The following RABGEF1 variants were observed in gnomAD, a reference collection of about 807,000 sequenced individuals.
RABGEF1 encodes rab5 GDP/GTP exchange factor.
RABGEF1 carries 26 observed loss-of-function variants against 57.3 expected under a neutral mutation model. That is an observed-to-expected ratio of 0.45 (90% CI 0.33 to 0.63). RABGEF1 has a LOEUF of 0.63. RABGEF1 is among the 20% of genes least tolerant of loss of function. The pLI, the probability that RABGEF1 is intolerant of heterozygous loss-of-function variation, is 0.02. For synonymous variants in RABGEF1, 185 were observed against 210.7 expected, an observed-to-expected ratio of 0.88 and a Z score of 1.06; for missense variants, 464 against 607.6, an observed-to-expected ratio of 0.76 and a Z score of 2.48.
intron 1 of RABGEF1, among the ~76,000 whole-genome samples, chr7:66,705,189 T>C (rs1334867620): frequency 1.3e-5 from 2 of 152,076 alleles, no homozygotes; most frequent in Non-Finnish European, 2.9e-5. Context: ...TCATTTGAGG[T>C]CAGGAGTTCG....
At chr7:66,762,617 A>AT (rs1412023635) in intron 1 of RABGEF1, among the ~76,000 whole-genome samples, 2 of 152,082 alleles carry the variant, frequency 1.3e-5, no homozygotes, top group Non-Finnish European at 2.9e-5. Flanking sequence ...AAGAAAAAAA[A>AT]GAAATAGGAC....
At chr7:66,768,144 G>T (rs1002167246) in intron 1 of RABGEF1, among the ~76,000 whole-genome samples, 3 of 152,238 alleles carry the variant, frequency 2.0e-5, no homozygotes, top group African/African-American at 7.2e-5. Flanking sequence ...GGGATTGCAA[G>T]CAAACGTTTC....
rs918193083 is a variant in RABGEF1, at chr7:66,779,374, C to T, written c.346+3981C>T. Among the ~76,000 whole-genome samples the T allele has an allele frequency of 5.3e-5, 8 of 151,416 alleles. 1 individual carries two copies. Among genetic ancestry groups the T allele is most frequent in the Admixed American group, 5.3e-4 (8 of 15,190 alleles). On this transcript the variant is annotated intron_variant, in intron 3 of 8. Transcript: ENST00000284957. ...CAAAAATTAGCTGGGGGTGGTGGCACGTGCCTGCAATCCCAGCTGCTTGGG... is the reference window on the plus strand; with the variant it reads ...CAAAAATTAGCTGGGGGTGGTGGCATGTGCCTGCAATCCCAGCTGCTTGGG...
chr7:66,663,019 G>A, the RABGEF1 span, among the ~76,000 whole-genome samples: 4 of 152,234 alleles, frequency 2.6e-5, no homozygotes, highest in African/African-American at 9.6e-5. Flanking sequence ...GTGGATTTAC[G>A]GGAATGAGGG....
At chr7:66,669,501 G>C in the RABGEF1 span, among the ~76,000 whole-genome samples, 1 of 152,182 alleles carries the variant, frequency 6.6e-6, no homozygotes, top group Admixed American at 6.5e-5. Context: ...AGAAGGTGGT[G>C]GGGACCTCTG....
intron 2 of RABGEF1, among the ~76,000 whole-genome samples, chr7:66,715,299 T>A (rs1007117783): frequency 1.3e-5 from 2 of 152,104 alleles, no homozygotes; most frequent in African/African-American, 4.8e-5. Context: ...GGCTAATTTT[T>A]AAAAAAATTT....
At chr7:66,719,538 A>T (rs1795776118) in intron 2 of RABGEF1, among the ~76,000 whole-genome samples, 1 of 152,182 alleles carries the variant, frequency 6.6e-6, no homozygotes, top group African/African-American at 2.4e-5. Flanking sequence ...AAAATTTCAG[A>T]TCCAGATGGC....
In RABGEF1 at chr7:66,730,801, T is replaced by C. The variant is rs559819066; in HGVS notation, c.-814-9195T>C. Among the ~76,000 whole-genome samples, 22 of 152,156 alleles carry C rather than the reference T, an allele frequency of 1.4e-4. 1 individual carries two copies. Among genetic ancestry groups the C allele is most frequent in the African/African-American group, 5.3e-4 (22 of 41,560 alleles). On this transcript the variant is annotated intron_variant and NMD_transcript_variant, in intron 2 of 9. Transcript: ENST00000607882. ...TCGAACTCCTGACCTCAAGTGATCC[T>C]CCTGCTTAGCCTCCCAAAGTGCTGG...
intron 1 of RABGEF1, among the ~76,000 whole-genome samples, chr7:66,771,181 C>A (rs1418766864): frequency 6.6e-6 from 1 of 152,056 alleles, no homozygotes; most frequent in African/African-American, 2.4e-5. Context: ...CTCTGTCACC[C>A]AGCCTGGAGT....
rs1306121488 is a variant in RABGEF1, at chr7:66,715,449, C to G, written c.-815+3225C>G. ...CCCGCCTCTTCTTTTCTAATATAAT[C>G]ATTTCATTACATAAATTCCCCTTTA... On this transcript the variant is annotated intron_variant and NMD_transcript_variant, in intron 2 of 9. Transcript: ENST00000607882. Among the ~76,000 whole-genome samples, 3 of 152,156 alleles carry G rather than the reference C, an allele frequency of 2.0e-5. No homozygotes were observed. In the East Asian group the frequency reaches 5.8e-4, roughly 30 times the overall value.
At chr7:66,709,123 T>C (rs1335571700) in intron 1 of RABGEF1, among the ~76,000 whole-genome samples, 4 of 151,806 alleles carry the variant, frequency 2.6e-5, no homozygotes, top group African/African-American at 9.7e-5. Context: ...GTTCAAGCAA[T>C]TCTCCTGCCC....
intron 1 of RABGEF1, among the ~76,000 whole-genome samples, chr7:66,746,313 T>C (rs1375058819): frequency 6.6e-6 from 1 of 152,096 alleles, no homozygotes; most frequent in Non-Finnish European, 1.5e-5. Flanking sequence ...CTTTTCTTTT[T>C]TTCTTTTTGA....
upstream of RABGEF1, among the ~76,000 whole-genome samples, chr7:66,678,846 G>A (rs936945759): frequency 6.6e-5 from 10 of 152,124 alleles, no homozygotes; most frequent in Admixed American, 6.5e-5. Flanking sequence ...TTAATACTGA[G>A]GTAGTCAGTG....
At chr7:66,693,501 G>T (rs1791847576) in intron 1 of RABGEF1, among the ~76,000 whole-genome samples, 1 of 152,192 alleles carries the variant, frequency 6.6e-6, no homozygotes, top group African/African-American at 2.4e-5. Context: ...ACACAGCCAA[G>T]TGTCTGGTCC....
intron 1 of RABGEF1, among the ~76,000 whole-genome samples, chr7:66,711,430 T>C (rs953796601): frequency 6.6e-6 from 1 of 151,694 alleles, no homozygotes; most frequent in Non-Finnish European, 1.5e-5. Context: ...TTGCATAAGC[T>C]GTGAGGTTAG....
intron 4 of RABGEF1, among the ~76,000 whole-genome samples, chr7:66,792,356 G>A (rs1374942487): frequency 6.6e-6 from 1 of 152,200 alleles, no homozygotes; most frequent in Non-Finnish European, 1.5e-5. Context: ...AACCTGCCAT[G>A]GTTTCACAGA....
intron 2 of RABGEF1, among the ~76,000 whole-genome samples, chr7:66,731,779 C>T (rs1399760134): frequency 6.6e-6 from 1 of 152,166 alleles, no homozygotes; most frequent in African/African-American, 2.4e-5. Context: ...CACAGTCATG[C>T]CTGCCTCACC....
At chr7:66,658,892 C>T in the RABGEF1 span, among the ~76,000 whole-genome samples, 5 of 152,004 alleles carry the variant, frequency 3.3e-5, no homozygotes, top group East Asian at 2.0e-4. Context: ...CCCACCACAA[C>T]GCCCGGCTAA....
At chr7:66,765,984 T>A (rs12535325) in intron 1 of RABGEF1, among the ~76,000 whole-genome samples, 6,464 of 152,202 alleles carry the variant, frequency 0.042, 175 homozygotes, top group East Asian at 0.085. Context: ...GATCTATACT[T>A]AAAAATAGGT....
Sources: gnomAD v4.1 joint callset for allele counts (sites outside exome capture counted in the v4.1 genomes callset) on GRCh38, gnomAD v4.1.1 for gene constraint, MANE v1.5 for transcripts, NCBI Gene and HGNC (gene_info 2026-07-23, HGNC 2026-07-21) for gene names.